The following NEK10 variants were observed in gnomAD, a reference collection of about 807,000 sequenced individuals.
NEK10 encodes serine/threonine-protein kinase Nek10.
In NEK10, 122 loss-of-function variants were observed where a neutral mutation model predicts 159.8. That is an observed-to-expected ratio of 0.76 (90% CI 0.66 to 0.89). NEK10 has a LOEUF of 0.89. Among genes scored for constraint, NEK10 ranks in the 40% least tolerant of loss-of-function variants. NEK10 has a pLI of 0.00. For missense variants in NEK10, 1,342 were observed against 1,323.1 expected (o/e 1.01, Z -0.22); for synonymous variants, 466 against 457.1 (o/e 1.02, Z -0.25).
At position 27,256,382 on chromosome 3, in the gene NEK10, C is replaced by A; in HGVS notation, c.2015-11G>T. On this transcript the variant is annotated splice_polypyrimidine_tract_variant and intron_variant, in intron 22 of 35. Transcript: ENST00000691995. Reference sequence around the variant, plus strand: ...CCAGGCCAAAGTCAGCTACAATTCACAAAACAACGCAATATGTTACTATAT... The same window carrying A: ...CCAGGCCAAAGTCAGCTACAATTCAAAAAACAACGCAATATGTTACTATAT... 6.5e-7 allele frequency: 1 copy of A among 1,532,570 alleles called. No homozygotes were observed. The allele number at this position is 1,532,570 out of a possible 1,614,324, so 94.9% of individuals were successfully genotyped here.
At chr3:27,269,263 T>C (rs2041144789) in intron 22 of NEK10, among the ~76,000 whole-genome samples, 1 of 152,232 alleles carries the variant, frequency 6.6e-6, no homozygotes, top group Non-Finnish European at 1.5e-5. Context: ...TTTGAGAGGA[T>C]TGACTCCAAT....
chr3:27,182,669 C>T (rs1948239377), intron 26 of NEK10, among the ~76,000 whole-genome samples: 1 of 151,998 alleles, frequency 6.6e-6, no homozygotes, highest in African/African-American at 2.4e-5. Context: ...GCACTATTCA[C>T]AATGGCCAAG....
Position 27,342,083 on chromosome 3 carries a change from G to A in NEK10, c.362+2189C>T, listed in dbSNP as rs193129068. ...TCTGAGTAGAATTTGAGTCCCCAGG[G>A]AGAAGAGGACCACATGTCCTGTTAA... On this transcript the variant is annotated intron_variant, in intron 5 of 35. Coordinates refer to ENST00000691995, the MANE Select transcript of NEK10 (RefSeq NM_001394966.1). Among the ~76,000 whole-genome samples the A allele has an allele frequency of 1.6e-4, 24 of 152,178 alleles. No individual in the cohort carries two copies. In the East Asian group the frequency reaches 4.4e-3, roughly 28 times the overall value.
chr3:27,217,744 C>A (rs1951676688), intron 23 of NEK10, among the ~76,000 whole-genome samples: 1 of 151,978 alleles, frequency 6.6e-6, no homozygotes, highest in South Asian at 2.1e-4. Flanking sequence ...CAAAAATATT[C>A]AATAAAATAC....
chr3:27,173,340 T>A (rs938458887), intron 28 of NEK10, among the ~76,000 whole-genome samples: 2 of 152,224 alleles, frequency 1.3e-5, no homozygotes, highest in African/African-American at 2.4e-5. Flanking sequence ...CTGCCAGGTA[T>A]ATAGAACACT....
intron 30 of NEK10, chr3:27,162,473 G>C (rs1006654603): frequency 6.2e-7 from 1 of 1,614,048 alleles, no homozygotes; most frequent in Non-Finnish European, 8.5e-7. Flanking sequence ...TGATCTTTGA[G>C]ATTTCGAAGA....
At chr3:27,192,631 T>C (rs1185835117) in intron 25 of NEK10, among the ~76,000 whole-genome samples, 1 of 152,020 alleles carries the variant, frequency 6.6e-6, no homozygotes, top group Non-Finnish European at 1.5e-5. Context: ...GTCTAAACCT[T>C]TCATTAGTGT....
chr3:27,256,851 T>C (rs1956233386), intron 22 of NEK10, among the ~76,000 whole-genome samples: 1 of 152,060 alleles, frequency 6.6e-6, no homozygotes, highest in Non-Finnish European at 1.5e-5. Flanking sequence ...AATATCTATA[T>C]GTAATATTAG....
At position 27,159,814 on chromosome 3, in the gene NEK10, T is replaced by TC. The variant is rs1178824788; in HGVS notation, c.2869+2886_2869+2887insG. ...ATGACATGAACCTAGAAGTTCAGCT[T>TC]TTAGGAGTACCATACAGGCAAGATC... On this transcript the variant is annotated intron_variant, in intron 30 of 35. Transcript: ENST00000691995. Among the ~76,000 whole-genome samples the TC allele has an allele frequency of 3.9e-5, 6 of 151,944 alleles. No homozygotes were observed. The East Asian group carries it at 9.6e-4, about 24-fold the overall frequency.
At chr3:27,201,679 G>A in intron 24 of NEK10, 99 bp from the exon 25 acceptor site, 2 of 801,492 alleles carry the variant, frequency 2.5e-6, no homozygotes, top group Non-Finnish European at 4.1e-6. Flanking sequence ...TAATTAAGCA[G>A]GATAACTTCA....
intron 22 of NEK10, chr3:27,278,848 T>C: frequency 1.0e-6 from 1 of 985,014 alleles, no homozygotes; most frequent in Non-Finnish European, 1.2e-6. Context: ...TGGCACAATA[T>C]GGACCTTATT....
chr3:27,165,442 G>T (rs2148830998), intron 29 of NEK10, among the ~76,000 whole-genome samples: 1 of 152,312 alleles, frequency 6.6e-6, no homozygotes, highest in South Asian at 2.1e-4. Flanking sequence ...GCTACAGAGG[G>T]TGGTGTTCCC....
At chr3:27,313,683 C>CA (rs2044900084) in intron 7 of NEK10, among the ~76,000 whole-genome samples, 1 of 152,086 alleles carries the variant, frequency 6.6e-6, no homozygotes. Flanking sequence ...ATGGTATATA[C>CA]AATGCTAAGG....
intron 30 of NEK10, among the ~76,000 whole-genome samples, chr3:27,150,312 A>G (rs13086420): frequency 0.05 from 7,598 of 152,306 alleles, 233 homozygotes; most frequent in Non-Finnish European, 0.06. Flanking sequence ...TTTTATTGCA[A>G]GTAGAGGCCA....
At chr3:27,263,559 A>T (rs1214231651) in intron 22 of NEK10, among the ~76,000 whole-genome samples, 3 of 151,924 alleles carry the variant, frequency 2.0e-5, no homozygotes, top group African/African-American at 7.3e-5. Context: ...TGCAGTTTGA[A>T]CTCAGACTGC....
chr3:27,199,841 A>G (rs529114923), intron 25 of NEK10, among the ~76,000 whole-genome samples: 1 of 152,166 alleles, frequency 6.6e-6, no homozygotes. Flanking sequence ...CATTATCCTT[A>G]GCAAACTAAT....
intron 23 of NEK10, among the ~76,000 whole-genome samples, chr3:27,249,208 C>T (rs1011439093): frequency 6.6e-6 from 1 of 152,208 alleles, no homozygotes; most frequent in African/African-American, 2.4e-5. Context: ...CCCTGTCTTC[C>T]ACCATGTTTG....
At position 27,111,264 on chromosome 3, in the gene NEK10, C is replaced by CAGCAT. The variant is rs772194676; in HGVS notation, c.*3_*7dup. On this transcript the variant is annotated 3_prime_UTR_variant, in exon 36 of 36. Transcript: ENST00000691995. ...GAGAAAATCAAGTCCACTCAAAATG[C>CAGCAT]AGCATTTTCATCTTTTGGTTGGGTG... is the stretch of plus-strand genomic sequence containing the variant. The CAGCAT allele has an allele frequency of 6.2e-6, 10 of 1,608,040 alleles. No homozygotes were observed. Among genetic ancestry groups the CAGCAT allele is most frequent in the Non-Finnish European group, 8.5e-6 (10 of 1,176,670 alleles).
chr3:27,196,570 A>C (rs888315068), intron 25 of NEK10, among the ~76,000 whole-genome samples: 4 of 151,800 alleles, frequency 2.6e-5, no homozygotes, highest in African/African-American at 9.7e-5. Context: ...AAACCTTTAC[A>C]CTCCAATGTT....
Sources: gnomAD v4.1 joint callset for allele counts (sites outside exome capture counted in the v4.1 genomes callset) on GRCh38, gnomAD v4.1.1 for gene constraint, MANE v1.5 for transcripts, NCBI Gene and HGNC (gene_info 2026-07-23, HGNC 2026-07-21) for gene names.